The following PDE11A variants were observed in gnomAD, a reference collection of about 807,000 sequenced individuals.
PDE11A encodes phosphodiesterase 11A.
PDE11A carries 100 observed loss-of-function variants against 100.5 expected under a neutral mutation model. The ratio of observed to expected loss-of-function variants is 1.00; its 90% CI spans 0.85 to 1.18. The LOEUF (loss-of-function observed/expected upper bound fraction) is 1.18. Among genes scored for constraint, PDE11A ranks in the 50% most tolerant of loss-of-function variants. PDE11A has a pLI of 0.00. For missense variants in PDE11A, 1,141 were observed against 1,152.6 expected (o/e 0.99, Z 0.15); for synonymous variants, 381 against 420.8 (o/e 0.91, Z 1.16).
intron 2 of PDE11A, among the ~76,000 whole-genome samples, chr2:177,968,393 T>C (rs2085725585): frequency 6.6e-6 from 1 of 152,204 alleles, no homozygotes; most frequent in Non-Finnish European, 1.5e-5. Flanking sequence ...TTTTGATTGA[T>C]TCCTATTTTA....
intron 1 of PDE11A, among the ~76,000 whole-genome samples, chr2:178,070,439 C>T (rs2087111123): frequency 6.6e-6 from 1 of 152,116 alleles, no homozygotes; most frequent in Non-Finnish European, 1.5e-5. Context: ...TCAGCAACAG[C>T]AACTAAACTC....
rs369826021 is a variant in PDE11A at position 177,817,652 on chromosome 2, G to A, written c.1644+206C>T. Among the ~76,000 whole-genome samples the A allele has an allele frequency of 1.9e-3, 285 of 152,124 alleles. 2 individuals carry two copies. Among genetic ancestry groups the A allele is most frequent in the African/African-American group, 6.4e-3 (266 of 41,512 alleles). On this transcript the variant is annotated intron_variant, in intron 8 of 19. Coordinates refer to ENST00000286063, the MANE Select transcript of PDE11A (RefSeq NM_016953.4). Reference sequence around the variant, plus strand: ...GTAATAAAATTAAGATAAAAATAATGGATGGTTACAAAATAATCCAATTCA... The same window carrying A: ...GTAATAAAATTAAGATAAAAATAATAGATGGTTACAAAATAATCCAATTCA...
At chr2:177,636,697 G>A (rs1253178985) in intron 19 of PDE11A, among the ~76,000 whole-genome samples, 1 of 152,134 alleles carries the variant, frequency 6.6e-6, no homozygotes, top group African/African-American at 2.4e-5. Flanking sequence ...CAGTACTATT[G>A]ATGTTTTGGG....
At chr2:177,844,232 G>A (rs540478247) in intron 5 of PDE11A, among the ~76,000 whole-genome samples, 7 of 152,254 alleles carry the variant, frequency 4.6e-5, no homozygotes, top group African/African-American at 1.7e-4. Flanking sequence ...TCAAGGCACT[G>A]GCAGATTCAG....
intron 9 of PDE11A, among the ~76,000 whole-genome samples, chr2:177,784,842 A>C (rs1349270193): frequency 6.6e-6 from 1 of 152,198 alleles, no homozygotes; most frequent in African/African-American, 2.4e-5. Context: ...TGAGCACAGA[A>C]ATCAGAATTC....
rs115175652 is a variant in PDE11A, at chr2:177,660,750, A to C, written c.2646+3116T>G. Among the ~76,000 whole-genome samples, 647 of 152,374 alleles carry C rather than the reference A, an allele frequency of 4.2e-3. 5 individuals carry two copies. The highest frequency in any genetic ancestry group is 0.015 in the African/African-American group (614 of 41,584). On this transcript the variant is annotated intron_variant, in intron 19 of 19. Coordinates refer to ENST00000286063, the MANE Select transcript of PDE11A (RefSeq NM_016953.4). ...TGATAATCTTCCCCTTTGCTTGGAGAAGAGCTAAACTCAGCAAACAGGAAC... is the reference window on the plus strand; with the variant it reads ...TGATAATCTTCCCCTTTGCTTGGAGCAGAGCTAAACTCAGCAAACAGGAAC...
At chr2:178,014,544 A>C (rs1016682135) in intron 1 of PDE11A, 84 bp from the exon 2 acceptor site, 17 of 1,033,654 alleles carry the variant, frequency 1.6e-5, no homozygotes, top group Non-Finnish European at 2.4e-5. Flanking sequence ...TGCATATGAT[A>C]CCTTATCACT....
intron 15 of PDE11A, chr2:177,683,445 C>A (rs1043078241): frequency 1.5e-4 from 23 of 152,254 alleles, no homozygotes; most frequent in African/African-American, 5.3e-4. Flanking sequence ...AATGGTCGTG[C>A]CTTTTTCATA....
At chr2:177,867,773 T>C (rs1248839307) in intron 5 of PDE11A, among the ~76,000 whole-genome samples, 1 of 152,222 alleles carries the variant, frequency 6.6e-6, no homozygotes, top group African/African-American at 2.4e-5. Flanking sequence ...ACAATCATAG[T>C]ACACTCCGGA....
At chr2:177,630,077 C>A (rs531383093) in intron 19 of PDE11A, among the ~76,000 whole-genome samples, 2 of 152,166 alleles carry the variant, frequency 1.3e-5, no homozygotes, top group South Asian at 4.1e-4. Flanking sequence ...AGCTAAAGAT[C>A]TGGGAGTTGT....
intron 3 of PDE11A, 62 bp from the exon 4 acceptor site, chr2:177,898,260 TC>T (rs781330371): frequency 3.0e-5 from 34 of 1,117,712 alleles, no homozygotes; most frequent in Non-Finnish European, 4.5e-5. Flanking sequence ...TTGCTTTTCT[TC>T]TTAAAATTTA....
intron 2 of PDE11A, among the ~76,000 whole-genome samples, chr2:177,981,221 T>C (rs1333950413): frequency 1.3e-5 from 2 of 150,634 alleles, no homozygotes; most frequent in Non-Finnish European, 3.0e-5. Flanking sequence ...TCAAAGGGCA[T>C]GGCAGAAAGT....
At chr2:178,027,855 C>A (rs1216579099) in intron 1 of PDE11A, among the ~76,000 whole-genome samples, 1 of 152,174 alleles carries the variant, frequency 6.6e-6, no homozygotes, top group Non-Finnish European at 1.5e-5. Context: ...AATATCACAA[C>A]CTCTTATGTG....
chr2:178,103,349 C>T (rs1363596304), intron 2 of PDE11A, among the ~76,000 whole-genome samples: 1 of 151,902 alleles, frequency 6.6e-6, no homozygotes, highest in East Asian at 1.9e-4. Flanking sequence ...TAGTGGTTGC[C>T]AGGGAATAGG....
chr2:177,900,769 A>AT (rs2084682654), intron 3 of PDE11A, among the ~76,000 whole-genome samples: 1 of 151,976 alleles, frequency 6.6e-6, no homozygotes, highest in Non-Finnish European at 1.5e-5. Context: ...AAAAAAAAGA[A>AT]AGAAAAGAAA....
At chr2:177,715,477 T>A (rs2081423455) in intron 12 of PDE11A, among the ~76,000 whole-genome samples, 1 of 152,028 alleles carries the variant, frequency 6.6e-6, no homozygotes, top group Admixed American at 6.5e-5. Flanking sequence ...TTTTCTTTTT[T>A]TTTTAAAATA....
rs1353580592 is a variant in PDE11A at position 177,854,824 on chromosome 2, G to A, written c.1368-14441C>T. Among the ~76,000 whole-genome samples, 4 of 152,224 alleles carry A rather than the reference G, an allele frequency of 2.6e-5. No homozygotes were observed. In the East Asian group the frequency reaches 7.7e-4, roughly 29 times the overall value. On this transcript the variant is annotated intron_variant, in intron 5 of 19. Transcript: ENST00000286063. ...GACCTGCTCAGCCACCTCCTTGCCAGAAAGGGAATAGAAATGAGCCTCTAA... is the reference window on the plus strand; with the variant it reads ...GACCTGCTCAGCCACCTCCTTGCCAAAAAGGGAATAGAAATGAGCCTCTAA...
chr2:177,767,612 A>G (rs1278843847), intron 10 of PDE11A, among the ~76,000 whole-genome samples: 3 of 152,132 alleles, frequency 2.0e-5, no homozygotes, highest in African/African-American at 7.2e-5. Flanking sequence ...AATATTTTTG[A>G]TGGAAAATGT....
At chr2:177,736,277 C>G (rs57986087) in intron 10 of PDE11A, among the ~76,000 whole-genome samples, 2 of 151,794 alleles carry the variant, frequency 1.3e-5, no homozygotes, top group African/African-American at 4.8e-5. Flanking sequence ...TTTGGGAGGC[C>G]GAGGCAGGTG....
Sources: allele counts gnomAD v4.1 joint callset (sites outside exome capture counted in the v4.1 genomes callset), GRCh38; gene constraint gnomAD v4.1.1; transcripts MANE v1.5; gene names NCBI Gene and HGNC (gene_info 2026-07-23, HGNC 2026-07-21).